SLC8A1: variants seen among roughly 807,000 people sequenced by gnomAD.
SLC8A1 encodes the protein sodium/calcium exchanger 1.
In SLC8A1, 18 loss-of-function variants were observed where a neutral mutation model predicts 68.3. The ratio of observed to expected loss-of-function variants is 0.26; its 90% confidence interval spans 0.18 to 0.39. The LOEUF (loss-of-function observed/expected upper bound fraction) is 0.39. SLC8A1 is among the 10% of genes least tolerant of loss of function. SLC8A1 has a pLI of 1.00. For synonymous variants in SLC8A1, 475 were observed against 415.5 expected, an observed-to-expected ratio of 1.14 and a Z score of -1.74; for missense variants, 985 against 1,156.7, an observed-to-expected ratio of 0.85 and a Z score of 2.15.
At chr2:40,504,059 G>T (rs941915727) in intron 1 of SLC8A1, among the ~76,000 whole-genome samples, 3 of 152,020 alleles carry the variant, frequency 2.0e-5, no homozygotes, top group African/African-American at 7.2e-5. Flanking sequence ...AAATTATAAT[G>T]CAGAGCTAGA....
intron 1 of SLC8A1, among the ~76,000 whole-genome samples, chr2:40,444,540 GC>G: frequency 6.6e-6 from 1 of 152,194 alleles, no homozygotes. Flanking sequence ...GATTCCCCAA[GC>G]CCATCAATGT....
intron 2 of SLC8A1, among the ~76,000 whole-genome samples, chr2:40,241,252 A>G (rs1272925593): frequency 1.3e-5 from 2 of 152,230 alleles, no homozygotes; most frequent in Non-Finnish European, 2.9e-5. Flanking sequence ...ACAGCAACAG[A>G]AAACCAAATA....
rs34217103 is a variant in SLC8A1 at position 40,258,930 on chromosome 2, T to TA, written c.1809-81076dup. Among the ~76,000 whole-genome samples the TA allele has an allele frequency of 3.7e-3, 511 of 136,774 alleles. 2 individuals are homozygous for TA. Among genetic ancestry groups the TA allele is most frequent in the African/African-American group, 0.011 (409 of 37,174 alleles). 89.7% of individuals were successfully genotyped at this position (136,774 alleles called of 152,430 possible). A position where few individuals can be genotyped will look rare whatever the true frequency, so the allele number is the denominator to read the frequency against. The stretch of plus-strand genomic sequence containing the variant: ...GGTTGTAATTGAACCAGAAAGAAAA[T>TA]AAAAAAAAAAAAAGGAAATACTTTT... On this transcript the variant is annotated intron_variant, in intron 2 of 7. Coordinates refer to ENST00000406785, the Ensembl canonical transcript of SLC8A1.
chr2:40,497,504 TGGGTAA>T (rs754393954), intron 1 of SLC8A1, among the ~76,000 whole-genome samples: 1 of 151,892 alleles, frequency 6.6e-6, no homozygotes, highest in Non-Finnish European at 1.5e-5. Context: ...AAATCAGTAT[TGGGTAA>T]GGGGGAGTTG....
intron 2 of SLC8A1, among the ~76,000 whole-genome samples, chr2:40,389,808 T>A (rs1054671906): frequency 3.3e-5 from 5 of 150,102 alleles, no homozygotes; most frequent in Non-Finnish European, 7.4e-5. Flanking sequence ...TTTGGGGAAA[T>A]ATATATATGA....
chr2:40,228,103 G>A (rs942208572), intron 2 of SLC8A1, among the ~76,000 whole-genome samples: 3 of 152,166 alleles, frequency 2.0e-5, no homozygotes, highest in Non-Finnish European at 4.4e-5. Flanking sequence ...CTTGAGGACT[G>A]CCTTTCATCA....
At chr2:40,177,850 A>T (rs2048749411) in exon 3 of SLC8A1, 3 of 1,547,456 alleles carry the variant, frequency 1.9e-6, no homozygotes, top group Non-Finnish European at 2.6e-6. Context: ...AATGGTAATG[A>T]TCTTCCTGTG....
chr2:40,329,627 C>T (rs1169973278), intron 2 of SLC8A1, among the ~76,000 whole-genome samples: 1 of 152,172 alleles, frequency 6.6e-6, no homozygotes, highest in Non-Finnish European at 1.5e-5. Context: ...CAAAACCAGG[C>T]CAAGAATTCT....
At chr2:40,278,314 C>G (rs1001053342) in intron 2 of SLC8A1, among the ~76,000 whole-genome samples, 39 of 151,944 alleles carry the variant, frequency 2.6e-4, no homozygotes, top group African/African-American at 9.2e-4. Context: ...ACTAAAAATA[C>G]AAAAATTAGC....
rs547963406 is a variant in SLC8A1, at chr2:40,195,523, G to C, written c.1809-17668C>G. ...GGAGAAAAATTGAAACTTTCTACCT[G>C]CTTCCTCTCAAATCTCTTCTGTATG... On this transcript the variant is annotated intron_variant, in intron 2 of 7. Transcript: ENST00000406785. Among the ~76,000 whole-genome samples the C allele has an allele frequency of 1.5e-4, 23 of 152,082 alleles. 1 individual carries two copies. In the South Asian group the frequency reaches 4.8e-3, roughly 32 times the overall value.
intron 2 of SLC8A1, among the ~76,000 whole-genome samples, chr2:40,407,517 C>T (rs2149684618): frequency 6.6e-6 from 1 of 152,206 alleles, no homozygotes; most frequent in East Asian, 1.9e-4. Context: ...TCCATTTTTC[C>T]ATTTTCATTT....
At chr2:40,107,279 C>CAAAAAAAAAAAAAAAAAAAAAAAAA (rs70957143) in exon 8 of SLC8A1, 18 of 64,906 alleles carry the variant, frequency 2.8e-4, no homozygotes, top group African/African-American at 1.1e-3. Flanking sequence ...GACTCCGTCT[C>CAAAAAAAAAAAAAAAAAAAAAAAAA]AAAAAAAAAA....
intron 2 of SLC8A1, among the ~76,000 whole-genome samples, chr2:40,387,429 A>T (rs138883143): frequency 2.6e-5 from 4 of 151,358 alleles, no homozygotes; most frequent in Non-Finnish European, 4.4e-5. Context: ...CCAAAACTCA[A>T]ACTTTTTTTT....
chr2:40,478,514 G>T (rs1704431216), intron 1 of SLC8A1, among the ~76,000 whole-genome samples: 1 of 152,248 alleles, frequency 6.6e-6, no homozygotes. Flanking sequence ...CTAGTCAAAT[G>T]TGCTGTCCAT....
chr2:40,373,509 G>C (rs1678820095), intron 2 of SLC8A1, among the ~76,000 whole-genome samples: 1 of 152,072 alleles, frequency 6.6e-6, no homozygotes, highest in East Asian at 1.9e-4. Flanking sequence ...AGTTGTGGGA[G>C]GTGGGGACTA....
At chr2:40,454,129 G>A (rs1190698006), upstream of SLC8A1, among the ~76,000 whole-genome samples, 2 of 152,130 alleles carry the variant, frequency 1.3e-5, no homozygotes, top group Non-Finnish European at 2.9e-5. Context: ...CTGAATTTAA[G>A]GCAGTGTGAG....
chr2:40,355,942 C>T (rs1386075520), intron 2 of SLC8A1, among the ~76,000 whole-genome samples: 2 of 152,148 alleles, frequency 1.3e-5, no homozygotes, highest in African/African-American at 2.4e-5. Flanking sequence ...TGCCCCTTGG[C>T]CCCTTCAGGC....
chr2:40,292,307 T>G (rs1018874573), intron 2 of SLC8A1, among the ~76,000 whole-genome samples: 2 of 152,198 alleles, frequency 1.3e-5, no homozygotes, highest in South Asian at 4.1e-4. Flanking sequence ...AGTCAGACTA[T>G]TGATCCATCC....
chr2:40,430,427 C>T (rs1363068083), intron 1 of SLC8A1, 123 bp from the exon 2 acceptor site: 15 of 998,664 alleles, frequency 1.5e-5, no homozygotes, highest in Non-Finnish European at 2.1e-5. Context: ...TTGACCATCA[C>T]AAAACCGAAA....
Sources: gnomAD v4.1 joint callset for allele counts (sites outside exome capture counted in the v4.1 genomes callset) on GRCh38, gnomAD v4.1.1 for gene constraint, MANE v1.5 for transcripts, NCBI Gene and HGNC (gene_info 2026-07-23, HGNC 2026-07-21) for gene names.